The following NXPE2 variants were observed in gnomAD, a reference collection of about 807,000 sequenced individuals.
NXPE2 encodes NXPE family member 2.
Under a neutral mutation model 34.4 loss-of-function variants are expected in NXPE2, and 34 were observed. The observed-to-expected ratio is 0.99, with a 90% CI of 0.75 to 1.31. The LOEUF is 1.31. NXPE2 is among the 40% of genes most tolerant of loss of function. The pLI is 0.00. For missense variants in NXPE2, 649 were observed against 672.5 expected (o/e 0.97, Z 0.39); for synonymous variants, 235 against 231.3 (o/e 1.02, Z -0.15).
the NXPE2 span, among the ~76,000 whole-genome samples, chr11:114,535,487 C>G: frequency 6.6e-6 from 1 of 152,114 alleles, no homozygotes; most frequent in Non-Finnish European, 1.5e-5. Context: ...CACAGACTGG[C>G]AAATTGGATA....
At chr11:114,476,230 T>C in the NXPE2 span, among the ~76,000 whole-genome samples, 1 of 152,212 alleles carries the variant, frequency 6.6e-6, no homozygotes, top group African/African-American at 2.4e-5. Context: ...TTCTTATGTG[T>C]AAAGACTTTA....
chr11:114,677,087 A>C (rs1432931453), upstream of NXPE2, among the ~76,000 whole-genome samples: 1 of 152,044 alleles, frequency 6.6e-6, no homozygotes, highest in Non-Finnish European at 1.5e-5. Context: ...ATATAAATAG[A>C]GTAGAATCGT....
chr11:114,669,989 A>G, the NXPE2 span, among the ~76,000 whole-genome samples: 2 of 152,078 alleles, frequency 1.3e-5, no homozygotes. Context: ...TGACAGTAAC[A>G]AGCAAAACCA....
the NXPE2 span, among the ~76,000 whole-genome samples, chr11:114,466,011 A>G: frequency 6.6e-6 from 1 of 152,098 alleles, no homozygotes; most frequent in East Asian, 1.9e-4. Flanking sequence ...TTTCCCTCCT[A>G]CTCTAAAACA....
At chr11:114,543,266 G>T in the NXPE2 span, among the ~76,000 whole-genome samples, 1 of 151,574 alleles carries the variant, frequency 6.6e-6, no homozygotes, top group Non-Finnish European at 1.5e-5. Context: ...TGAGGCAGGA[G>T]AATTGCTTGA....
At chr11:114,687,174 T>C (rs1399392019) in intron 2 of NXPE2, among the ~76,000 whole-genome samples, 2 of 152,112 alleles carry the variant, frequency 1.3e-5, no homozygotes, top group Non-Finnish European at 2.9e-5. Context: ...GGCTTAGTTA[T>C]AAATTCTTTG....
chr11:114,560,580 G>A, the NXPE2 span, among the ~76,000 whole-genome samples: 5 of 152,078 alleles, frequency 3.3e-5, no homozygotes, highest in Admixed American at 2.6e-4. Context: ...TCTTTTATCG[G>A]TTTGAAAAGG....
chr11:114,603,785 G>A, the NXPE2 span, among the ~76,000 whole-genome samples: 1 of 151,602 alleles, frequency 6.6e-6, no homozygotes, highest in Non-Finnish European at 1.5e-5. Context: ...ACTGTTACCT[G>A]GAGGATAATA....
the NXPE2 span, among the ~76,000 whole-genome samples, chr11:114,657,645 T>C: frequency 2.0e-5 from 3 of 152,186 alleles, no homozygotes; most frequent in African/African-American, 2.4e-5. Context: ...TTTAATATGA[T>C]TGGTTTTCTT....
At chr11:114,504,289 T>C in the NXPE2 span, among the ~76,000 whole-genome samples, 1 of 151,974 alleles carries the variant, frequency 6.6e-6, no homozygotes, top group East Asian at 1.9e-4. Context: ...AATCCTGTAC[T>C]GAAAACAGGG....
chr11:114,624,169 A>G, the NXPE2 span, among the ~76,000 whole-genome samples: 1 of 151,508 alleles, frequency 6.6e-6, no homozygotes, highest in South Asian at 2.1e-4. Context: ...CCAATGTTAT[A>G]TGGTAGATAA....
chr11:114,606,402 C>T, the NXPE2 span, among the ~76,000 whole-genome samples: 1 of 151,848 alleles, frequency 6.6e-6, no homozygotes, highest in East Asian at 1.9e-4. Context: ...ACCACTGTTA[C>T]CCGGTGGATA....
chr11:114,609,882 GATA>G, the NXPE2 span, among the ~76,000 whole-genome samples: 1 of 151,768 alleles, frequency 6.6e-6, no homozygotes, highest in Non-Finnish European at 1.5e-5. Flanking sequence ...TTACCCAGTG[GATA>G]ATAAGTGTTG....
At chr11:114,756,700 A>G in the NXPE2 span, among the ~76,000 whole-genome samples, 1 of 152,208 alleles carries the variant, frequency 6.6e-6, no homozygotes, top group East Asian at 1.9e-4. Context: ...ATGTACATTA[A>G]AAAAACCTAT....
chr11:114,801,754 G>A, the NXPE2 span, among the ~76,000 whole-genome samples: 2 of 152,264 alleles, frequency 1.3e-5, no homozygotes, highest in South Asian at 4.1e-4. Context: ...TGTTGGAGGT[G>A]CAAAATAGGG....
chr11:114,587,435 C>T, the NXPE2 span, among the ~76,000 whole-genome samples: 1 of 152,300 alleles, frequency 6.6e-6, no homozygotes, highest in Admixed American at 6.5e-5. Context: ...AAGGGCATTA[C>T]CCAAATGTAA....
the NXPE2 span, among the ~76,000 whole-genome samples, chr11:114,736,013 C>T: frequency 6.6e-6 from 1 of 152,092 alleles, no homozygotes; most frequent in African/African-American, 2.4e-5. Context: ...CATGATGCCC[C>T]CTGAGCCATA....
chr11:114,611,947 C>G, the NXPE2 span, among the ~76,000 whole-genome samples: 2 of 151,928 alleles, frequency 1.3e-5, no homozygotes, highest in Admixed American at 6.6e-5. Flanking sequence ...CCACTGTTAC[C>G]TGGTAGATAA....
At chr11:114,476,218 T>C in the NXPE2 span, among the ~76,000 whole-genome samples, 2 of 152,114 alleles carry the variant, frequency 1.3e-5, no homozygotes, top group African/African-American at 4.8e-5. Context: ...AAAAATAAAG[T>C]CTTCTTATGT....
Sources: allele counts gnomAD v4.1 joint callset (sites outside exome capture counted in the v4.1 genomes callset), GRCh38; gene constraint gnomAD v4.1.1; transcripts MANE v1.5; gene names NCBI Gene and HGNC (gene_info 2026-07-23, HGNC 2026-07-21).